SDK2: variants seen among roughly 807,000 people sequenced by gnomAD.
SDK2 encodes the protein protein sidekick-2.
SDK2 carries 105 observed loss-of-function variants against 253.9 expected under a neutral mutation model. The ratio of observed to expected loss-of-function variants is 0.41; its 90% confidence interval spans 0.35 to 0.49. The LOEUF (loss-of-function observed/expected upper bound fraction) is 0.49, where lower values mean the gene tolerates loss of function less well. SDK2 is among the 20% of genes least tolerant of loss of function. SDK2 has a pLI of 0.06. For missense variants in SDK2, 2,608 were observed against 3,003.0 expected, an observed-to-expected ratio of 0.87 and a Z score of 3.07; for synonymous variants, 1,249 against 1,234.9, an observed-to-expected ratio of 1.01 and a Z score of -0.24.
At chr17:73,398,262 GC>G (rs2145516338) in intron 23 of SDK2, 57 bp downstream of exon 23, 1 of 1,603,082 alleles carries the variant, frequency 6.2e-7, no homozygotes, top group East Asian at 2.2e-5. Context: ...CTGGGCCATA[GC>G]CCCCACCCAC....
At chr17:73,470,679 T>C (rs958998996) in intron 3 of SDK2, among the ~76,000 whole-genome samples, 2 of 152,250 alleles carry the variant, frequency 1.3e-5, no homozygotes, top group Non-Finnish European at 2.9e-5. Context: ...GTAATTATCA[T>C]AAACACTCTT....
At chr17:73,559,600 C>CT (rs2045198032) in intron 1 of SDK2, among the ~76,000 whole-genome samples, 1 of 130,378 alleles carries the variant, frequency 7.7e-6, no homozygotes, top group Non-Finnish European at 1.6e-5. Context: ...CTCCCTGTGC[C>CT]CCCCGCCCCC....
chr17:73,569,169 C>T (rs945981652), intron 1 of SDK2, among the ~76,000 whole-genome samples: 7 of 151,450 alleles, frequency 4.6e-5, no homozygotes, highest in Admixed American at 6.6e-5. Flanking sequence ...AGCCTAGTTC[C>T]AAAGCCCATG....
chr17:73,568,625 T>C (rs921643059), intron 1 of SDK2, among the ~76,000 whole-genome samples: 2 of 151,960 alleles, frequency 1.3e-5, no homozygotes, highest in African/African-American at 2.4e-5. Context: ...AGACTGGAGA[T>C]GAAGGTCTAA....
At chr17:73,547,542 C>T (rs574696817) in intron 1 of SDK2, among the ~76,000 whole-genome samples, 1 of 152,132 alleles carries the variant, frequency 6.6e-6, no homozygotes, top group Non-Finnish European at 1.5e-5. Flanking sequence ...ATGGGGACAG[C>T]GGAGGCTCAG....
chr17:73,478,649 A>G (rs142592882), intron 2 of SDK2, among the ~76,000 whole-genome samples: 14 of 152,328 alleles, frequency 9.2e-5, no homozygotes, highest in Admixed American at 2.0e-4. Flanking sequence ...CAGGGGGGAC[A>G]ATAACAGCCT....
chr17:73,605,026 G>T (rs1343716975), intron 1 of SDK2, among the ~76,000 whole-genome samples: 1 of 152,354 alleles, frequency 6.6e-6, no homozygotes, highest in East Asian at 1.9e-4. Context: ...GAGAAGAAAG[G>T]AGAGGCCACC....
At chr17:73,593,311 C>G (rs895259867) in intron 1 of SDK2, among the ~76,000 whole-genome samples, 1 of 152,176 alleles carries the variant, frequency 6.6e-6, no homozygotes, top group Non-Finnish European at 1.5e-5. Flanking sequence ...TACTGTGAGG[C>G]CCAAAACGTT....
intron 44 of SDK2, among the ~76,000 whole-genome samples, chr17:73,342,442 G>C (rs2062446785): frequency 6.6e-6 from 1 of 152,246 alleles, no homozygotes; most frequent in South Asian, 2.1e-4. Flanking sequence ...GCTGGGCCGA[G>C]TGAGGCTGGC....
chr17:73,553,291 T>C (rs532185586), intron 1 of SDK2, among the ~76,000 whole-genome samples: 1 of 152,164 alleles, frequency 6.6e-6, no homozygotes, highest in Non-Finnish European at 1.5e-5. Flanking sequence ...AAATTGATAT[T>C]GATAGACCAT....
At chr17:73,397,958 T>A in intron 24 of SDK2, 77 bp downstream of exon 24, 1 of 1,495,528 alleles carries the variant, frequency 6.7e-7, no homozygotes, top group Non-Finnish European at 9.1e-7. Flanking sequence ...CTGTAGGAAT[T>A]CTGATGTGCA....
rs1240897095 is a variant in SDK2, at chr17:73,361,101, T to C, written c.5467+583A>G. On this transcript the variant is annotated intron_variant, in intron 39 of 44. Coordinates refer to ENST00000392650, the MANE Select transcript of SDK2 (RefSeq NM_001144952.2). This position sits in a 1 kb window ranked among gnomAD's most constrained non-coding sequence, Gnocchi z 4.1. ...GGGCCCTGGCTGTGAATAGGTGACC[T>C]GCTCCATCAGGTGTTTCTCAAGGTG... Among the ~76,000 whole-genome samples the C allele has an allele frequency of 1.3e-5, 2 of 152,068 alleles. No individual in the cohort carries two copies. Among genetic ancestry groups the C allele is most frequent in the Non-Finnish European group, 2.9e-5 (2 of 68,004 alleles).
intron 2 of SDK2, among the ~76,000 whole-genome samples, chr17:73,495,145 A>T (rs571318785): frequency 2.6e-5 from 4 of 152,222 alleles, no homozygotes; most frequent in African/African-American, 9.6e-5. Flanking sequence ...AGAGGGAGCG[A>T]GGGGTGGCCA....
chr17:73,529,183 T>A (rs1599651787), intron 1 of SDK2, among the ~76,000 whole-genome samples: 1 of 152,174 alleles, frequency 6.6e-6, no homozygotes, highest in Non-Finnish European at 1.5e-5. Context: ...TCGTCTGTAA[T>A]GAGCGAAAAG....
At chr17:73,572,279 C>G (rs563416542) in intron 1 of SDK2, among the ~76,000 whole-genome samples, 1 of 152,254 alleles carries the variant, frequency 6.6e-6, no homozygotes, top group South Asian at 2.1e-4. Context: ...TTCCCTCCCT[C>G]CCCACTTTGT....
At chr17:73,628,001 G>C (rs981537512) in intron 1 of SDK2, among the ~76,000 whole-genome samples, 4 of 152,186 alleles carry the variant, frequency 2.6e-5, no homozygotes, top group Non-Finnish European at 4.4e-5. Flanking sequence ...GCAGTGAGCC[G>C]AGATCGTGCC....
At chr17:73,441,820 G>A (rs2063418613) in intron 5 of SDK2, among the ~76,000 whole-genome samples, 1 of 152,176 alleles carries the variant, frequency 6.6e-6, no homozygotes, top group African/African-American at 2.4e-5. Flanking sequence ...GGTCTTTGCT[G>A]TGGACTGAGC....
chr17:73,408,059 TTTTTTC>T (rs1420502094), intron 18 of SDK2, among the ~76,000 whole-genome samples: 1 of 129,666 alleles, frequency 7.7e-6, no homozygotes, highest in African/African-American at 2.6e-5. Flanking sequence ...TTTTTTTTTT[TTTTTTC>T]TTTTGAGACA....
At chr17:73,492,480 A>C (rs1057026679) in intron 2 of SDK2, among the ~76,000 whole-genome samples, 4 of 152,080 alleles carry the variant, frequency 2.6e-5, no homozygotes, top group Non-Finnish European at 4.4e-5. Context: ...ATTCTGCAGA[A>C]AGAACAGCCT....
Sources: gnomAD v4.1 joint callset for allele counts (sites outside exome capture counted in the v4.1 genomes callset) on GRCh38, gnomAD v4.1.1 for gene constraint, Gnocchi (gnomAD v3.1) non-coding constraint, MANE v1.5 for transcripts, NCBI Gene and HGNC (gene_info 2026-07-23, HGNC 2026-07-21) for gene names.